TNPO3: variants seen among roughly 807,000 people sequenced by gnomAD.
The protein encoded by TNPO3 is transportin-3.
TNPO3 carries 65 observed loss-of-function variants against 122.8 expected under a neutral mutation model. The observed-to-expected ratio is 0.53, with a 90% CI of 0.43 to 0.65. The LOEUF is 0.65. Among genes scored for constraint, TNPO3 ranks in the 30% least tolerant of loss-of-function variants. The probability of loss-of-function intolerance (pLI) is 0.00; values close to 1 mark genes in which losing one functional copy is unlikely to be tolerated. For missense variants in TNPO3, 850 were observed against 1,136.7 expected (o/e 0.75, Z 3.63); for synonymous variants, 372 against 411.2 (o/e 0.90, Z 1.15).
chr7:129,019,049 T>C (rs1804159424), intron 1 of TNPO3, among the ~76,000 whole-genome samples: 1 of 152,184 alleles, frequency 6.6e-6, no homozygotes, highest in Non-Finnish European at 1.5e-5. Flanking sequence ...TATTACTACT[T>C]GGCAAAGTGC....
chr7:128,988,043 G>A (rs1287170905), intron 11 of TNPO3, among the ~76,000 whole-genome samples: 1 of 151,582 alleles, frequency 6.6e-6, no homozygotes, highest in Non-Finnish European at 1.5e-5. Context: ...GCGCAATCTC[G>A]GCTCACTGCA....
At chr7:128,978,856 T>A in intron 16 of TNPO3, 127 bp downstream of exon 16, 2 of 1,089,644 alleles carry the variant, frequency 1.8e-6, no homozygotes, top group South Asian at 3.0e-5. Context: ...GGTCTTGAAC[T>A]CCTGACCTCA....
rs1185494720 is a variant in TNPO3, at chr7:128,954,819, AAGAG to A, written c.*594_*597del. 6.5e-6 allele frequency: 1 copy of A among 153,860 alleles called. No homozygotes were observed. Among genetic ancestry groups the A allele is most frequent in the East Asian group, 1.9e-4 (1 of 5,194 alleles). 9.5% of individuals were successfully genotyped at this position (153,860 alleles called of 1,614,324 possible). ...TGCATTTAAAAGGAGGGGAGAGAGA[AAGAG>A]AAGGAAGGGTAGGAGAGGAAAGAGA... On this transcript the variant is annotated 3_prime_UTR_variant, in exon 23 of 23. Coordinates refer to ENST00000265388, the MANE Select transcript of TNPO3 (RefSeq NM_012470.4).
chr7:128,993,975 T>A, intron 8 of TNPO3, 61 bp from the exon 9 acceptor site: 1 of 1,432,646 alleles, frequency 7.0e-7, no homozygotes, highest in Non-Finnish European at 9.6e-7. Flanking sequence ...ATGACCTCTA[T>A]AAAATCAAGA....
Position 128,970,168 on chromosome 7 carries a change from T to A in TNPO3, c.2578A>T (p.Ile860Phe). The change falls in exon 20 of 23, where the codon ATC (isoleucine) becomes TTC (phenylalanine). Residue 860 changes from isoleucine to phenylalanine, a missense_variant. Physicochemically the swap from Ile to Phe is conservative, Grantham distance 21. Transcript: ENST00000265388. ...LPDVAEVLWE[I>F]MQVDRPTFCR... ...CTTACCGGTCTGTCAACCTGCATGA[T>A]CTCCCAGAGCACTTCAGCCACATCT... 2 of 1,614,118 alleles carry A rather than the reference T, an allele frequency of 1.2e-6. No individual in the cohort carries two copies. The highest frequency in any genetic ancestry group is 1.7e-6 in the Non-Finnish European group (2 of 1,180,014).
Position 128,955,013 on chromosome 7 carries a change from GTGTA to G in TNPO3, c.*400_*403del, listed in dbSNP as rs756243825. 1.5e-5 allele frequency: 4 copies of G among 270,550 alleles called. No homozygotes were observed. Among genetic ancestry groups the G allele is most frequent in the African/African-American group, 2.3e-5 (1 of 42,678 alleles). 16.8% of individuals were successfully genotyped at this position (270,550 alleles called of 1,614,324 possible). A position where few individuals can be genotyped will look rare whatever the true frequency, so the allele number is the denominator to read the frequency against. ...TACACGTGCGCACTGGCGCTTGTGC[GTGTA>G]TGTGTGTGTGCGTGCATGTGTCATT... On this transcript the variant is annotated 3_prime_UTR_variant, in exon 23 of 23. Transcript: ENST00000265388.
At chr7:128,995,539 G>A (rs964429060) in intron 8 of TNPO3, among the ~76,000 whole-genome samples, 1 of 152,194 alleles carries the variant, frequency 6.6e-6, no homozygotes, top group Admixed American at 6.5e-5. Context: ...ATTATAAAGC[G>A]CTATACACTT....
At chr7:129,018,945 C>T (rs1406934028) in intron 1 of TNPO3, among the ~76,000 whole-genome samples, 1 of 152,178 alleles carries the variant, frequency 6.6e-6, no homozygotes, top group African/African-American at 2.4e-5. Context: ...TCTTGAACTC[C>T]TGACCTCAGG....
chr7:129,013,205 GA>G (rs1419900020), intron 4 of TNPO3, among the ~76,000 whole-genome samples: 1 of 152,074 alleles, frequency 6.6e-6, no homozygotes, highest in East Asian at 1.9e-4. Context: ...AAACATTAGG[GA>G]AATGCTGCAG....
At chr7:129,054,561 G>C in intron 1 of TNPO3, 90 bp downstream of exon 1, 1 of 1,568,468 alleles carries the variant, frequency 6.4e-7, no homozygotes, top group East Asian at 2.3e-5. Context: ...ACCTCACGAG[G>C]TCAACTGCCG....
chr7:129,038,202 A>G (rs1393026500), intron 1 of TNPO3, among the ~76,000 whole-genome samples: 1 of 152,236 alleles, frequency 6.6e-6, no homozygotes, highest in African/African-American at 2.4e-5. Flanking sequence ...GCCAGAAGAC[A>G]TGGAGAGGTA....
At chr7:128,972,606 T>C (rs1268089699) in intron 18 of TNPO3, 24 bp from the exon 19 acceptor site, 2 of 1,607,334 alleles carry the variant, frequency 1.2e-6, no homozygotes, top group South Asian at 2.2e-5. Context: ...TGAGACTAGG[T>C]ATAAATGACA....
rs5887409 is a variant in TNPO3, at chr7:129,046,195, CAAAAAA to C, written c.120+8450_120+8455del. 6.3e-3 allele frequency among the ~76,000 whole-genome samples: 501 copies of C among 79,324 alleles called. 5 individuals are homozygous for C. The highest frequency in any genetic ancestry group is 0.024 in the African/African-American group (477 of 20,290). The allele number at this position is 79,324 out of a possible 152,430, so 52.0% of individuals were successfully genotyped here. ...TGAGTGACAGAGTGAGACTCCGTCT[CAAAAAA>C]AAAAAAAAAAAAAAAAGAAACTGAT... On this transcript the variant is annotated intron_variant, in intron 1 of 22. Coordinates refer to ENST00000265388, the MANE Select transcript of TNPO3 (RefSeq NM_012470.4).
intron 5 of TNPO3, among the ~76,000 whole-genome samples, chr7:129,003,482 T>A (rs1328600124): frequency 6.6e-6 from 1 of 151,034 alleles, no homozygotes; most frequent in African/African-American, 2.4e-5. Context: ...GCCTGGGCAA[T>A]AAAGAGAAAC....
In TNPO3 at chr7:128,988,972, G is replaced by A. The variant is rs111228838; in HGVS notation, c.1498+989C>T. Among the ~76,000 whole-genome samples, 1,331 of 152,300 alleles carry A rather than the reference G, an allele frequency of 8.7e-3. 5 individuals are homozygous for A. The highest frequency in any genetic ancestry group is 0.015 in the Non-Finnish European group (1,026 of 68,030). On this transcript the variant is annotated intron_variant, in intron 11 of 22. Transcript: ENST00000265388. Reference sequence around the variant, plus strand: ...TGCACTTGTAATCCCAGCTACTTGGGAGGCTGAGGCAGGAGAATCACTTGA... The same window carrying A: ...TGCACTTGTAATCCCAGCTACTTGGAAGGCTGAGGCAGGAGAATCACTTGA...
At chr7:129,005,725 G>A (rs1303072231) in intron 4 of TNPO3, among the ~76,000 whole-genome samples, 1 of 151,446 alleles carries the variant, frequency 6.6e-6, no homozygotes, top group Non-Finnish European at 1.5e-5. Context: ...AGAACCATAA[G>A]CTGATTAAAC....
At position 128,984,171 on chromosome 7, in the gene TNPO3, T is replaced by C; in HGVS notation, c.1779A>G (p.Lys593=). 6.3e-7 allele frequency: 1 copy of C among 1,588,572 alleles called. No individual in the cohort carries two copies. The highest frequency in any genetic ancestry group is 8.6e-7 in the Non-Finnish European group (1 of 1,168,180). The change falls in exon 13 of 23, where the codon AAA becomes AAG. Residue 593 remains lysine (K), a synonymous_variant. Coordinates refer to ENST00000265388, the MANE Select transcript of TNPO3 (RefSeq NM_012470.4). The part of the protein sequence containing the change: ...ELCSVQVMAL[K]KLLSQEPSNG... ...CACCTTCCTTAATTGGACTTACCTTTTTCAATGCCATAACCTGAACAGAAC... is the reference window on the plus strand; with the variant it reads ...CACCTTCCTTAATTGGACTTACCTTCTTCAATGCCATAACCTGAACAGAAC...
At chr7:129,053,695 A>C (rs1809093685) in intron 1 of TNPO3, among the ~76,000 whole-genome samples, 1 of 152,190 alleles carries the variant, frequency 6.6e-6, no homozygotes, top group South Asian at 2.1e-4. Context: ...TAAAATGCAA[A>C]AATAAAGGTA....
chr7:129,050,627 A>G (rs1409212620), intron 1 of TNPO3, among the ~76,000 whole-genome samples: 1 of 152,132 alleles, frequency 6.6e-6, no homozygotes, highest in Non-Finnish European at 1.5e-5. Flanking sequence ...AGACTCAGCT[A>G]AAGACAGGAG....
Sources: allele counts gnomAD v4.1 joint callset (sites outside exome capture counted in the v4.1 genomes callset), GRCh38; gene constraint gnomAD v4.1.1; transcripts MANE v1.5; gene names NCBI Gene and HGNC (gene_info 2026-07-23, HGNC 2026-07-21).